Variants in GCNT4 observed in about 807,000 individuals in gnomAD.
The protein encoded by GCNT4 is beta-1,3-galactosyl-O-glycosyl-glycoprotein beta-1,6-N-acetylglucosaminyltransferase 4.
GCNT4 carries 17 observed loss-of-function variants against 31.3 expected under a neutral mutation model. The ratio of observed to expected loss-of-function variants is 0.54; its 90% CI spans 0.37 to 0.81. The LOEUF (loss-of-function observed/expected upper bound fraction) is 0.81. Among genes scored for constraint, GCNT4 ranks in the 40% least tolerant of loss-of-function variants. The pLI is 0.00. For synonymous variants in GCNT4, 158 were observed against 190.6 expected, an observed-to-expected ratio of 0.83 and a Z score of 1.41; for missense variants, 503 against 525.5, an observed-to-expected ratio of 0.96 and a Z score of 0.42.
At chr5:75,037,778 C>T (rs1369842616) in intron 3 of GCNT4, among the ~76,000 whole-genome samples, 21 of 151,422 alleles carry the variant, frequency 1.4e-4, no homozygotes, top group Admixed American at 7.9e-4. Flanking sequence ...CTTGGGAGGC[C>T]GAGGCAGGAG....
At chr5:75,031,028 T>C (rs1426854010) in intron 3 of GCNT4, 5 of 162,506 alleles carry the variant, frequency 3.1e-5, no homozygotes, top group African/African-American at 4.8e-5. Flanking sequence ...ATGTCTAGTA[T>C]GCTTACATGT....
chr5:75,020,422 C>T (rs1742868564), downstream of GCNT4, among the ~76,000 whole-genome samples: 2 of 152,146 alleles, frequency 1.3e-5, no homozygotes, highest in South Asian at 4.1e-4. Context: ...AAGAGTTAGG[C>T]TGCTGACCCT....
chr5:75,032,872 GGTGTGTGTGTGTGTGTGTGTGT>G (rs60551634), intron 3 of GCNT4, among the ~76,000 whole-genome samples: 2,296 of 130,746 alleles, frequency 0.018, 56 homozygotes, highest in African/African-American at 0.058. Flanking sequence ...CCCAAATAGG[GGTGTGTGTGTGTGTGTGTGTGT>G]GTGTGTGTGT....
In GCNT4 at chr5:75,046,873, G is replaced by C. The variant is rs372119711; in HGVS notation, c.-2+1024C>G. On this transcript the variant is annotated intron_variant, in intron 3 of 3. Transcript: ENST00000652361. ...CAGGTACAAGACCATTCTGCCCTTC[G>C]TGCCGTTTCTTAGATGCAGGAGATG... is the stretch of plus-strand genomic sequence containing the variant. 1.8e-4 allele frequency among the ~76,000 whole-genome samples: 27 copies of C among 152,294 alleles called. No homozygotes were observed. The East Asian group carries it at 3.5e-3, about 20-fold the overall frequency.
downstream of GCNT4, among the ~76,000 whole-genome samples, chr5:75,024,231 G>C (rs1028633652): frequency 6.6e-6 from 1 of 152,160 alleles, no homozygotes; most frequent in Non-Finnish European, 1.5e-5. Context: ...TTAATATGAT[G>C]CTGTGTATAG....
upstream of GCNT4, among the ~76,000 whole-genome samples, chr5:75,053,735 C>G (rs1030569262): frequency 1.3e-5 from 2 of 152,084 alleles, no homozygotes; most frequent in Admixed American, 6.5e-5. Context: ...CGCCTCCGCG[C>G]TCCCGCAGAG....
chr5:75,032,877 GTGTGTGTGTGTGTGTGTGTGTGTGT>G (rs1743100088), intron 3 of GCNT4, among the ~76,000 whole-genome samples: 1 of 76,606 alleles, frequency 1.3e-5, no homozygotes, highest in Non-Finnish European at 2.4e-5. Context: ...ATAGGGGTGT[GTGTGTGTGTGTGTGTGTGTGTGTGT>G]GTGTGTGTGT....
Position 75,029,766 on chromosome 5 carries a change from C to A in GCNT4, c.272G>T (p.Arg91Ile). Reference protein sequence around the residue: ...PLEIGKSLEIRRRDIIDLEDD... With the variant: ...PLEIGKSLEIIRRDIIDLEDD... The stretch of plus-strand genomic sequence containing the variant: ...CTCCAAGTCAATGATGTCCCTTCTT[C>A]TTATTTCCAGACTCTTTCCAATTTC... Residue 91 changes from arginine (R) to isoleucine (I), a missense_variant, in exon 4 of 4, where the codon AGA becomes ATA. Arg to Ile is a moderately conservative substitution (Grantham distance 97). Transcript: ENST00000652361. 1.9e-6 allele frequency: 3 copies of A among 1,614,164 alleles called. No individual in the cohort carries two copies. Among genetic ancestry groups the A allele is most frequent in the Non-Finnish European group, 2.5e-6 (3 of 1,180,016 alleles).
In GCNT4 at chr5:75,048,935, A is replaced by G. The variant is rs78123414; in HGVS notation, c.-142-898T>C. Among the ~76,000 whole-genome samples, 192 of 152,330 alleles carry G rather than the reference A, an allele frequency of 1.3e-3. 3 individuals carry two copies. In the East Asian group the frequency reaches 0.031, roughly 24 times the overall value. ...GAACTTATTAAAACACAAATTGCTG[A>G]GCCTCACGGGTTCCCAGGCGATGCT... On this transcript the variant is annotated intron_variant, in intron 2 of 3. Transcript: ENST00000652361.
chr5:75,037,948 TA>T (rs374826808), intron 3 of GCNT4, among the ~76,000 whole-genome samples: 32,889 of 134,160 alleles, frequency 0.25, 3,905 homozygotes, highest in African/African-American at 0.32. Context: ...CCACTTTCAT[TA>T]AAAAAAAAAA....
In GCNT4 at chr5:75,028,618, CAATTCCACACTGACTCCATTTATCAG is replaced by C. The variant is rs1742996371; in HGVS notation, c.*32_*57del. The C allele has an allele frequency of 6.8e-7, 1 of 1,474,512 alleles. No individual in the cohort carries two copies. The highest frequency in any genetic ancestry group is 9.2e-7 in the Non-Finnish European group (1 of 1,081,850). The allele number at this position is 1,474,512 out of a possible 1,614,324, so 91.3% of individuals were successfully genotyped here. ...ACAGTATTGGGCATAGTATGGTATT[CAATTCCACACTGACTCCATTTATCAG>C]GCACCCTCTTATTTCCATCCTGATT... is the stretch of plus-strand genomic sequence containing the variant. On this transcript the variant is annotated 3_prime_UTR_variant, in exon 4 of 4. Transcript: ENST00000652361.
Position 75,029,803 on chromosome 5 carries a change from G to C in GCNT4, c.235C>G (p.Gln79Glu). ...YEVNCSGIYE[Q>E]EPLEIGKSLE... ...CTCTTTCCAATTTCCAAAGGCTCCT[G>C]TTCATAGATACCCGAACAGTTAACT... Residue 79 changes from glutamine to glutamate, a missense_variant, in exon 4 of 4, where the codon CAG becomes GAG. Coordinates refer to ENST00000652361, the MANE Select transcript of GCNT4 (RefSeq NM_001366737.1). The C allele has an allele frequency of 1.2e-6, 2 of 1,614,052 alleles. No individual in the cohort carries two copies. Among genetic ancestry groups the C allele is most frequent in the South Asian group, 2.2e-5 (2 of 91,076 alleles).
At chr5:75,046,420 A>T (rs950885573) in intron 3 of GCNT4, among the ~76,000 whole-genome samples, 14 of 152,146 alleles carry the variant, frequency 9.2e-5, no homozygotes, top group Non-Finnish European at 1.5e-5. Flanking sequence ...CAACCACAGG[A>T]ACTCCGCTAG....
the GCNT4 span, among the ~76,000 whole-genome samples, chr5:75,019,860 A>G: frequency 6.6e-6 from 1 of 152,224 alleles, no homozygotes; most frequent in Admixed American, 6.5e-5. Flanking sequence ...GATCACTTAC[A>G]AAGTTATTTT....
downstream of GCNT4, among the ~76,000 whole-genome samples, chr5:75,021,154 G>A (rs1742876444): frequency 6.6e-6 from 1 of 152,140 alleles, no homozygotes; most frequent in Non-Finnish European, 1.5e-5. Context: ...TGAACATCTC[G>A]AGGACCCCCT....
chr5:75,017,408 T>C, the GCNT4 span: 1 of 152,286 alleles, frequency 6.6e-6, no homozygotes, highest in Non-Finnish European at 1.5e-5. Context: ...AAATTTTCAA[T>C]TTCAGTTTCG....
At chr5:75,040,699 G>C (rs1453540397) in intron 3 of GCNT4, among the ~76,000 whole-genome samples, 1 of 152,338 alleles carries the variant, frequency 6.6e-6, no homozygotes, top group East Asian at 1.9e-4. Flanking sequence ...CTCCACAAGA[G>C]GAATGGTTTC....
the GCNT4 span, among the ~76,000 whole-genome samples, chr5:75,018,274 TTTTATTTTTATTGA>T: frequency 6.6e-6 from 1 of 152,014 alleles, no homozygotes; most frequent in African/African-American, 2.4e-5. Flanking sequence ...CATGTTTATT[TTTTATTTTTATTGA>T]TTTATTTTTT....
chr5:75,020,301 T>C, the GCNT4 span, among the ~76,000 whole-genome samples: 1 of 152,220 alleles, frequency 6.6e-6, no homozygotes, highest in Non-Finnish European at 1.5e-5. Context: ...CGGCACAGCT[T>C]GCGTGCTGCT....
Sources: gnomAD v4.1 joint callset for allele counts (sites outside exome capture counted in the v4.1 genomes callset) on GRCh38, gnomAD v4.1.1 for gene constraint, MANE v1.5 for transcripts, NCBI Gene and HGNC (gene_info 2026-07-23, HGNC 2026-07-21) for gene names.